PNKD: variants seen among roughly 807,000 people sequenced by gnomAD.
PNKD encodes probable thioesterase PNKD.
A neutral mutation model predicts 45.3 loss-of-function variants in PNKD; 36 were observed. The ratio of observed to expected loss-of-function variants is 0.80; its 90% CI spans 0.61 to 1.05. The LOEUF is 1.05. Among genes scored for constraint, PNKD ranks in the 50% least tolerant of loss-of-function variants. PNKD has a pLI of 0.00. For synonymous variants in PNKD, 197 were observed against 210.1 expected (o/e 0.94, Z 0.54); for missense variants, 511 against 506.6 (o/e 1.01, Z -0.08).
intron 2 of PNKD, among the ~76,000 whole-genome samples, chr2:218,313,903 C>CTTT (rs10550174): frequency 2.2e-4 from 17 of 77,688 alleles, no homozygotes; most frequent in Middle Eastern, 8.1e-3. Flanking sequence ...TTCTTTATTT[C>CTTT]TTTTTTTTTT....
intron 2 of PNKD, chr2:218,275,446 AG>A (rs767298806): frequency 6.2e-7 from 1 of 1,602,702 alleles, no homozygotes; most frequent in East Asian, 2.2e-5. Context: ...GGGAGAGCCC[AG>A]GATCGGGTGA....
intron 7 of PNKD, 109 bp from the exon 8 acceptor site, chr2:218,343,391 C>A: frequency 1.1e-6 from 1 of 889,794 alleles, no homozygotes; most frequent in Non-Finnish European, 1.8e-6. Context: ...ACAGTCAGGG[C>A]TGACGGCCAG....
intron 2 of PNKD, among the ~76,000 whole-genome samples, chr2:218,303,880 G>T (rs546849261): frequency 6.6e-6 from 1 of 151,486 alleles, no homozygotes; most frequent in Non-Finnish European, 1.5e-5. Context: ...GGCCAGACCC[G>T]CACTTCTTTG....
In PNKD at chr2:218,345,100, T is replaced by TC. The variant is rs1694796678; in HGVS notation, c.*125dup. Reference sequence around the variant, plus strand: ...TCCATCGGCACCCAAGCGGGCATCATCCCCCCACACTGCTCAGGGGAGGGG... The same window carrying TC: ...TCCATCGGCACCCAAGCGGGCATCATCCCCCCCACACTGCTCAGGGGAGGGG... On this transcript the variant is annotated 3_prime_UTR_variant, in exon 10 of 10. Coordinates refer to ENST00000273077, the MANE Select transcript of PNKD (RefSeq NM_015488.5). The TC allele has an allele frequency of 3.9e-6, 3 of 759,560 alleles. No homozygotes were observed. The highest frequency in any genetic ancestry group is 2.7e-5 in the East Asian group (1 of 37,358). 47.1% of individuals were successfully genotyped at this position (759,560 alleles called of 1,614,324 possible).
chr2:218,338,177 T>G (rs952379495), intron 2 of PNKD, among the ~76,000 whole-genome samples: 87 of 146,224 alleles, frequency 5.9e-4, no homozygotes, highest in African/African-American at 2.2e-3. Context: ...AATTTCAGGC[T>G]TGGCCAGGCA....
chr2:218,313,955 T>G (rs1341934163), intron 2 of PNKD, among the ~76,000 whole-genome samples: 1 of 149,992 alleles, frequency 6.7e-6, no homozygotes, highest in African/African-American at 2.5e-5. Flanking sequence ...TTGCTGGAGT[T>G]TCGCTCTTGA....
At chr2:218,312,775 A>C (rs1339302145) in intron 2 of PNKD, among the ~76,000 whole-genome samples, 1 of 151,944 alleles carries the variant, frequency 6.6e-6, no homozygotes, top group Non-Finnish European at 1.5e-5. Flanking sequence ...TGGGAGGCTG[A>C]GGCACAAGAA....
chr2:218,315,017 T>TTTTTCTTTCA (rs879524661), intron 2 of PNKD, among the ~76,000 whole-genome samples: 890 of 2,556 alleles, frequency 0.35, 12 homozygotes, highest in Middle Eastern at 0.5. Flanking sequence ...TTTCTTTTTC[T>TTTTTCTTTCA]TTCTTTCTTT....
At chr2:218,292,250 A>T (rs1692978666) in intron 2 of PNKD, among the ~76,000 whole-genome samples, 1 of 152,224 alleles carries the variant, frequency 6.6e-6, no homozygotes, top group Admixed American at 6.5e-5. Context: ...CAGGTGCCAC[A>T]GACCCGGCCG....
intron 2 of PNKD, chr2:218,277,195 G>C (rs904293735): frequency 3.1e-4 from 379 of 1,220,062 alleles, no homozygotes; most frequent in Non-Finnish European, 6.4e-5. Flanking sequence ...TGCCTCCTAG[G>C]GGGTATGGGA....
At chr2:218,289,637 A>AAG (rs1238411892) in intron 2 of PNKD, among the ~76,000 whole-genome samples, 1 of 151,088 alleles carries the variant, frequency 6.6e-6, no homozygotes, top group African/African-American at 2.4e-5. Flanking sequence ...AAAAAAAAAA[A>AAG]AAAAAAAAAC....
intron 7 of PNKD, among the ~76,000 whole-genome samples, chr2:218,343,299 A>G (rs1286764883): frequency 6.6e-6 from 1 of 152,130 alleles, no homozygotes; most frequent in Non-Finnish European, 1.5e-5. Context: ...GAGGCCTCGG[A>G]TGGGCTTGGT....
At chr2:218,278,951 G>C in intron 2 of PNKD, 1 of 1,518,086 alleles carries the variant, frequency 6.6e-7, no homozygotes. Context: ...AAAGCATTTT[G>C]ATCCTGCCCT....
intron 2 of PNKD, chr2:218,280,528 C>G (rs1691800240): frequency 3.8e-6 from 1 of 261,768 alleles, no homozygotes; most frequent in Non-Finnish European, 7.5e-6. Flanking sequence ...GTTTGTGCAG[C>G]AGCAGGGATA....
chr2:218,303,565 C>T (rs1404817016), intron 2 of PNKD, among the ~76,000 whole-genome samples: 3 of 145,924 alleles, frequency 2.1e-5, no homozygotes, highest in Non-Finnish European at 3.0e-5. Context: ...CCATCCCAGA[C>T]CTGCACTTCT....
chr2:218,308,434 G>A (rs375968324), intron 2 of PNKD, among the ~76,000 whole-genome samples: 25 of 151,986 alleles, frequency 1.6e-4, no homozygotes, highest in East Asian at 9.7e-4. Context: ...TGATCTGCCC[G>A]CCTCAGCCTC....
At chr2:218,342,905 GT>G (rs1422779738) in intron 7 of PNKD, among the ~76,000 whole-genome samples, 1 of 152,120 alleles carries the variant, frequency 6.6e-6, no homozygotes, top group African/African-American at 2.4e-5. Context: ...GGAATTCAAG[GT>G]TGCAGTGAGC....
At position 218,280,010 on chromosome 2, in the gene PNKD, C is replaced by T. The variant is rs567815086; in HGVS notation, c.236+8461C>T. 12 of 1,611,000 alleles carry T rather than the reference C, an allele frequency of 7.4e-6. No homozygotes were observed. In the East Asian group the frequency reaches 2.0e-4, roughly 27 times the overall value. Reference sequence around the variant, plus strand: ...GAGGGGCCCCAGGTACACCCACCTCCCAGCGCGTATCTTACCTTTCGGATA... The same window carrying T: ...GAGGGGCCCCAGGTACACCCACCTCTCAGCGCGTATCTTACCTTTCGGATA... On this transcript the variant is annotated intron_variant, in intron 2 of 9. Transcript: ENST00000273077.
chr2:218,295,315 C>G (rs370938996), intron 2 of PNKD, among the ~76,000 whole-genome samples: 1 of 152,154 alleles, frequency 6.6e-6, no homozygotes, highest in East Asian at 1.9e-4. Flanking sequence ...GAACACAGCC[C>G]CTGCTCTCAA....
Sources: allele counts gnomAD v4.1 joint callset (sites outside exome capture counted in the v4.1 genomes callset), GRCh38; gene constraint gnomAD v4.1.1; transcripts MANE v1.5; gene names NCBI Gene and HGNC (gene_info 2026-07-23, HGNC 2026-07-21).